CLSTN2: variants seen among roughly 807,000 people sequenced by gnomAD.
CLSTN2 encodes calsyntenin-2.
A neutral mutation model predicts 101.2 loss-of-function variants in CLSTN2; 48 were observed. That is an observed-to-expected ratio of 0.47 (90% CI 0.38 to 0.60). The LOEUF (loss-of-function observed/expected upper bound fraction) is 0.60, where lower values mean the gene tolerates loss of function less well. Ranked by LOEUF, CLSTN2 falls within the 20% of genes least tolerant of loss-of-function variation. The probability of loss-of-function intolerance (pLI) is 0.00; values close to 1 mark genes in which losing one functional copy is unlikely to be tolerated. For missense variants in CLSTN2, 1,160 were observed against 1,238.2 expected, an observed-to-expected ratio of 0.94 and a Z score of 0.95; for synonymous variants, 481 against 463.6, an observed-to-expected ratio of 1.04 and a Z score of -0.48.
At position 140,440,646 on chromosome 3, in the gene CLSTN2, T is replaced by C. The variant is rs116701237; in HGVS notation, c.788-7873T>C. Among the ~76,000 whole-genome samples, 864 of 152,110 alleles carry C rather than the reference T, an allele frequency of 5.7e-3. 7 individuals carry two copies. The highest frequency in any genetic ancestry group is 0.02 in the African/African-American group (836 of 41,488). ...CATTATCATGTTGCATGACTAAACA[T>C]AGAGGAAAAAAATGGCTTGCTCACA... On this transcript the variant is annotated intron_variant, in intron 5 of 16. Transcript: ENST00000458420.
At chr3:139,985,944 A>C (rs1936014721) in intron 1 of CLSTN2, among the ~76,000 whole-genome samples, 1 of 152,240 alleles carries the variant, frequency 6.6e-6, no homozygotes, top group Non-Finnish European at 1.5e-5. Context: ...TTTAAATTGA[A>C]ATAGCCACAT....
intron 2 of CLSTN2, among the ~76,000 whole-genome samples, chr3:140,311,259 A>ATAATAATAACAG (rs1393269633): frequency 6.7e-6 from 1 of 148,768 alleles, no homozygotes; most frequent in Non-Finnish European, 1.5e-5. Context: ...TGAATTAATA[A>ATAATAATAACAG]TAATAATAAC....
chr3:140,448,209 CTGTGTGTGTGTG>C (rs55857773), intron 5 of CLSTN2, among the ~76,000 whole-genome samples: 3 of 148,300 alleles, frequency 2.0e-5, no homozygotes, highest in East Asian at 2.0e-4. Flanking sequence ...GAGGGTGTGA[CTGTGTGTGTGTG>C]TGTGTGTGTG....
intron 1 of CLSTN2, among the ~76,000 whole-genome samples, chr3:140,085,938 A>T (rs912688406): frequency 2.0e-5 from 3 of 152,208 alleles, no homozygotes; most frequent in African/African-American, 7.2e-5. Flanking sequence ...AGTACAGATC[A>T]CTTGGGGCAA....
chr3:140,312,902 G>A (rs1030398413), intron 2 of CLSTN2, among the ~76,000 whole-genome samples: 1 of 152,222 alleles, frequency 6.6e-6, no homozygotes, highest in African/African-American at 2.4e-5. Context: ...GTATTTGTTA[G>A]CTTGTCTGCA....
chr3:140,442,742 AC>A (rs1350682531), intron 5 of CLSTN2, among the ~76,000 whole-genome samples: 13 of 152,078 alleles, frequency 8.5e-5, no homozygotes, highest in Admixed American at 3.3e-4. Context: ...GATAGTTCAC[AC>A]CCTCGCTAAA....
Position 140,566,802 on chromosome 3 carries a change from T to TTC in CLSTN2, c.*569_*570dup, listed in dbSNP as rs10662926. The TTC allele has an allele frequency of 0.09, 13,627 of 150,622 alleles. 1,853 individuals are homozygous for TTC. Among genetic ancestry groups the TTC allele is most frequent in the African/African-American group, 0.3 (12,358 of 41,010 alleles). 9.3% of individuals were successfully genotyped at this position (150,622 alleles called of 1,614,324 possible). A position where few individuals can be genotyped will look rare whatever the true frequency, so the allele number is the denominator to read the frequency against. On this transcript the variant is annotated 3_prime_UTR_variant, in exon 17 of 17. Transcript: ENST00000458420. ...AAGTTTACAGGGAAAGGTACACACA[T>TTC]TCTCTCTCTCTCTCTCTCTCTGTCT...
intron 8 of CLSTN2, among the ~76,000 whole-genome samples, chr3:140,476,905 C>T (rs185780562): frequency 4.4e-4 from 67 of 152,160 alleles, no homozygotes; most frequent in Middle Eastern, 6.8e-3. Flanking sequence ...GTGATCCACC[C>T]GCCTTGGCCT....
intron 1 of CLSTN2, among the ~76,000 whole-genome samples, chr3:140,147,997 A>C (rs1222610739): frequency 6.6e-6 from 1 of 152,206 alleles, no homozygotes; most frequent in Non-Finnish European, 1.5e-5. Flanking sequence ...GATGTAGCTC[A>C]TTTTTGATAG....
intron 2 of CLSTN2, among the ~76,000 whole-genome samples, chr3:140,340,427 G>A (rs2087481509): frequency 6.6e-6 from 1 of 152,218 alleles, no homozygotes; most frequent in South Asian, 2.1e-4. Flanking sequence ...TATACCCATA[G>A]AATGATTGTA....
At chr3:140,213,268 T>C (rs1443335112) in intron 2 of CLSTN2, among the ~76,000 whole-genome samples, 2 of 152,152 alleles carry the variant, frequency 1.3e-5, no homozygotes, top group Non-Finnish European at 2.9e-5. Context: ...GTTTGTGGTG[T>C]GTTTGCATGT....
chr3:140,026,393 T>G lies in CLSTN2; in HGVS notation c.109+90910T>G, dbSNP rs148699852. On this transcript the variant is annotated intron_variant, in intron 1 of 16. Transcript: ENST00000458420. ...ATACATCACCAAGCCCTTTCTGTGC[T>G]GTGTGGGGTGTGTATGTGCTAAATG... Among the ~76,000 whole-genome samples, 161 of 152,294 alleles carry G rather than the reference T, an allele frequency of 1.1e-3. 2 individuals carry two copies. Among genetic ancestry groups the G allele is most frequent in the African/African-American group, 3.5e-3 (147 of 41,562 alleles).
chr3:140,041,607 C>A (rs2007763199), intron 1 of CLSTN2, among the ~76,000 whole-genome samples: 1 of 152,182 alleles, frequency 6.6e-6, no homozygotes, highest in Non-Finnish European at 1.5e-5. Flanking sequence ...TGTACAAACT[C>A]CTTGTAGCTT....
intron 4 of CLSTN2, among the ~76,000 whole-genome samples, chr3:140,410,423 A>AG (rs1037165770): frequency 6.6e-6 from 1 of 151,550 alleles, no homozygotes; most frequent in Non-Finnish European, 1.5e-5. Flanking sequence ...AAAAAAAAAA[A>AG]AAAACCTACC....
At position 139,998,336 on chromosome 3, in the gene CLSTN2, C is replaced by CTTTTTTTTTTTTTTTTTTTTTTTTT. The variant is rs60541490; in HGVS notation, c.109+62873_109+62874insTTTTTTTTTTTTTTTTTTTTTTTTT. Among the ~76,000 whole-genome samples the CTTTTTTTTTTTTTTTTTTTTTTTTT allele has an allele frequency of 6.6e-4, 44 of 66,812 alleles. 7 individuals carry two copies. The highest frequency in any genetic ancestry group is 1.2e-3 in the African/African-American group (17 of 13,818). The allele number at this position is 66,812 out of a possible 152,430, so 43.8% of individuals were successfully genotyped here. A position where few individuals can be genotyped will look rare whatever the true frequency, so the allele number is the denominator to read the frequency against. ...ATGGGATAATAGTTCCCCCACATGC[C>CTTTTTTTTTTTTTTTTTTTTTTTTT]TTTTTTTTTTTTTTTTTTTTGTGAC... On this transcript the variant is annotated intron_variant, in intron 1 of 16. Transcript: ENST00000458420.
At chr3:140,467,243 T>G (rs753194849) in intron 8 of CLSTN2, among the ~76,000 whole-genome samples, 29 of 152,248 alleles carry the variant, frequency 1.9e-4, no homozygotes, top group Middle Eastern at 3.4e-3. Context: ...CCTCGTGACT[T>G]TTGATCACAA....
intron 4 of CLSTN2, among the ~76,000 whole-genome samples, chr3:140,408,753 T>A (rs1272227849): frequency 6.6e-6 from 1 of 152,198 alleles, no homozygotes; most frequent in Non-Finnish European, 1.5e-5. Flanking sequence ...ACTACATGTA[T>A]GCCCCAAAAT....
chr3:140,360,559 G>T (rs566526996), intron 2 of CLSTN2, among the ~76,000 whole-genome samples: 4 of 152,144 alleles, frequency 2.6e-5, no homozygotes, highest in Non-Finnish European at 4.4e-5. Context: ...AGAACGTGCT[G>T]TGCAACCAGA....
Position 140,576,107 on chromosome 3 carries a change from G to A in CLSTN2, c.*9854G>A, listed in dbSNP as rs1270482505. 1 of 152,168 alleles carries A rather than the reference G, an allele frequency of 6.6e-6. No homozygotes were observed. Among genetic ancestry groups the A allele is most frequent in the Non-Finnish European group, 1.5e-5 (1 of 68,028 alleles). The allele number at this position is 152,168 out of a possible 1,614,324, so 9.4% of individuals were successfully genotyped here. A position where few individuals can be genotyped will look rare whatever the true frequency, so the allele number is the denominator to read the frequency against. On this transcript the variant is annotated 3_prime_UTR_variant, in exon 17 of 17. Coordinates refer to ENST00000458420, the MANE Select transcript of CLSTN2 (RefSeq NM_022131.3). Reference sequence around the variant, plus strand: ...TATACCCCAAATTGAATGAGCCACAGAGAAATGCATCCAGCCACACTCCCT... The same window carrying A: ...TATACCCCAAATTGAATGAGCCACAAAGAAATGCATCCAGCCACACTCCCT...
Sources: allele counts gnomAD v4.1 joint callset (sites outside exome capture counted in the v4.1 genomes callset), GRCh38; gene constraint gnomAD v4.1.1; transcripts MANE v1.5; gene names NCBI Gene and HGNC (gene_info 2026-07-23, HGNC 2026-07-21).